Variants in CNTN5 observed in about 807,000 individuals in gnomAD.
The protein encoded by CNTN5 is contactin 5.
Under a neutral mutation model 129.1 loss-of-function variants are expected in CNTN5, and 77 were observed. The ratio of observed to expected loss-of-function variants is 0.60; its 90% CI spans 0.50 to 0.72. The LOEUF is 0.72. CNTN5 is among the 30% of genes least tolerant of loss of function. CNTN5 has a pLI of 0.00. For missense variants in CNTN5, 1,478 were observed against 1,328.8 expected (o/e 1.11, Z -1.75); for synonymous variants, 509 against 465.6 (o/e 1.09, Z -1.20).
intron 7 of CNTN5, among the ~76,000 whole-genome samples, chr11:99,948,181 G>A (rs560366465): frequency 3.3e-4 from 51 of 152,240 alleles, no homozygotes; most frequent in African/African-American, 1.2e-3. Context: ...ATTATTATCT[G>A]TGCGACTTTT....
chr11:99,640,854 T>C (rs1415832022), intron 3 of CNTN5, among the ~76,000 whole-genome samples: 2 of 152,222 alleles, frequency 1.3e-5, no homozygotes, highest in Non-Finnish European at 2.9e-5. Flanking sequence ...TGCATGAATG[T>C]ATTTTTAAGA....
chr11:99,213,296 A>T (rs1340304907), intron 1 of CNTN5, among the ~76,000 whole-genome samples: 1 of 145,906 alleles, frequency 6.9e-6, no homozygotes, highest in East Asian at 2.0e-4. Flanking sequence ...TATATATAAC[A>T]TATATAATAT....
intron 16 of CNTN5, among the ~76,000 whole-genome samples, chr11:100,226,259 T>C (rs1339753049): frequency 6.6e-6 from 1 of 152,150 alleles, no homozygotes; most frequent in African/African-American, 2.4e-5. Context: ...CTTGCTATGA[T>C]CTGTTTTAGA....
intron 2 of CNTN5, among the ~76,000 whole-genome samples, chr11:99,419,669 A>T (rs2466907): frequency 0.75 from 114,480 of 152,012 alleles, 43,486 homozygotes; most frequent in Non-Finnish European, 0.82. Flanking sequence ...TACTTACAGT[A>T]GATTGAGTTG....
intron 1 of CNTN5, among the ~76,000 whole-genome samples, chr11:99,217,467 G>A (rs1239411806): frequency 2.0e-5 from 3 of 152,160 alleles, no homozygotes; most frequent in African/African-American, 7.2e-5. Context: ...AGGAATCCTT[G>A]TACACTGTTG....
At chr11:99,439,427 G>C (rs1943729479) in intron 2 of CNTN5, among the ~76,000 whole-genome samples, 1 of 152,066 alleles carries the variant, frequency 6.6e-6, no homozygotes, top group Non-Finnish European at 1.5e-5. Flanking sequence ...GAAATACATA[G>C]ACAGGCGCGG....
At chr11:100,042,476 A>T (rs970182805) in intron 9 of CNTN5, among the ~76,000 whole-genome samples, 5 of 152,160 alleles carry the variant, frequency 3.3e-5, no homozygotes, top group African/African-American at 1.2e-4. Flanking sequence ...GAAAATAGGA[A>T]GCTCCATTAG....
intron 1 of CNTN5, among the ~76,000 whole-genome samples, chr11:99,093,031 T>A (rs991402816): frequency 6.6e-6 from 1 of 152,110 alleles, no homozygotes; most frequent in Non-Finnish European, 1.5e-5. Flanking sequence ...AATTTTAAGA[T>A]AAATTATTTG....
At chr11:99,679,743 A>G (rs757403743) in intron 3 of CNTN5, among the ~76,000 whole-genome samples, 2 of 152,240 alleles carry the variant, frequency 1.3e-5, no homozygotes, top group Non-Finnish European at 2.9e-5. Flanking sequence ...TCTCACATTA[A>G]ATCAAAAGCT....
At chr11:99,825,517 T>G (rs1483387424) in intron 4 of CNTN5, among the ~76,000 whole-genome samples, 3 of 152,056 alleles carry the variant, frequency 2.0e-5, no homozygotes, top group Non-Finnish European at 4.4e-5. Flanking sequence ...TCTATAGTCA[T>G]AATTTCTTAT....
At chr11:99,142,712 G>T (rs1233471277) in intron 1 of CNTN5, among the ~76,000 whole-genome samples, 1 of 152,078 alleles carries the variant, frequency 6.6e-6, no homozygotes, top group East Asian at 1.9e-4. Flanking sequence ...GCATCCCTGG[G>T]CATACTCTAC....
At chr11:100,098,919 A>T (rs1945116200) in intron 13 of CNTN5, among the ~76,000 whole-genome samples, 1 of 152,026 alleles carries the variant, frequency 6.6e-6, no homozygotes, top group African/African-American at 2.4e-5. Flanking sequence ...AATGAGTGGA[A>T]ATCTTCAGGG....
chr11:99,911,072 A>G (rs749980079), intron 6 of CNTN5, among the ~76,000 whole-genome samples: 17 of 152,120 alleles, frequency 1.1e-4, no homozygotes, highest in Non-Finnish European at 2.4e-4. Flanking sequence ...TTAATCTTTC[A>G]TATAATATAT....
In CNTN5 at chr11:99,411,128, A is replaced by G. The variant is rs1223316577; in HGVS notation, c.-71+85644A>G. ...ATAAATCTATATTGGTAACATGTTT[A>G]TTTTCACATATTTTCTAATTTTTAC... On this transcript the variant is annotated intron_variant, in intron 2 of 24. Coordinates refer to ENST00000524871, the MANE Select transcript of CNTN5 (RefSeq NM_014361.4). Among the ~76,000 whole-genome samples, 4 of 152,190 alleles carry G rather than the reference A, an allele frequency of 2.6e-5. 1 individual carries two copies. The South Asian group carries it at 8.3e-4, about 31-fold the overall frequency.
chr11:100,038,493 G>A (rs2137659504), intron 9 of CNTN5, among the ~76,000 whole-genome samples: 1 of 152,278 alleles, frequency 6.6e-6, no homozygotes, highest in African/African-American at 2.4e-5. Flanking sequence ...TCTGCTTGGT[G>A]CAGAGCTGAG....
intron 2 of CNTN5, among the ~76,000 whole-genome samples, chr11:99,339,685 G>T (rs1866419413): frequency 6.6e-6 from 1 of 152,090 alleles, no homozygotes; most frequent in Admixed American, 6.5e-5. Flanking sequence ...GAGAGGCTGA[G>T]GTAGGAGAAT....
intron 23 of CNTN5, among the ~76,000 whole-genome samples, chr11:100,348,998 T>A (rs543483650): frequency 6.6e-6 from 1 of 151,950 alleles, no homozygotes; most frequent in African/African-American, 2.4e-5. Context: ...CAATAAATGT[T>A]TGATAATGCT....
At chr11:99,534,041 G>T (rs1947812138) in intron 2 of CNTN5, among the ~76,000 whole-genome samples, 1 of 152,134 alleles carries the variant, frequency 6.6e-6, no homozygotes, top group Admixed American at 6.5e-5. Flanking sequence ...CTGCCTTCTT[G>T]ATCAAATGTA....
At chr11:99,310,114 A>G (rs987973066) in intron 1 of CNTN5, among the ~76,000 whole-genome samples, 6 of 152,184 alleles carry the variant, frequency 3.9e-5, no homozygotes, top group Admixed American at 2.6e-4. Context: ...TATACAATTC[A>G]AATATGTGCA....
Sources: gnomAD v4.1 joint callset for allele counts (sites outside exome capture counted in the v4.1 genomes callset) on GRCh38, gnomAD v4.1.1 for gene constraint, MANE v1.5 for transcripts, NCBI Gene and HGNC (gene_info 2026-07-23, HGNC 2026-07-21) for gene names.